The following PWWP2A variants were observed in gnomAD, a reference collection of about 807,000 sequenced individuals.
PWWP2A encodes PWWP domain-containing protein 2A.
PWWP2A carries 18 observed loss-of-function variants against 48.5 expected under a neutral mutation model. That is an observed-to-expected ratio of 0.37 (90% CI 0.26 to 0.55). PWWP2A has a LOEUF of 0.55. Ranked by LOEUF, PWWP2A falls within the 20% of genes least tolerant of loss-of-function variation. The pLI is 0.81. For missense variants in PWWP2A, 867 were observed against 976.4 expected (o/e 0.89, Z 1.49); for synonymous variants, 396 against 387.7 (o/e 1.02, Z -0.25).
intron 2 of PWWP2A, among the ~76,000 whole-genome samples, chr5:160,081,492 G>A (rs1475807260): frequency 1.3e-5 from 2 of 151,986 alleles, no homozygotes; most frequent in African/African-American, 2.4e-5. Context: ...CACCTACCTC[G>A]GCCTCCCAAA....
intron 1 of PWWP2A, among the ~76,000 whole-genome samples, chr5:160,109,750 C>A (rs1327159745): frequency 4.9e-5 from 2 of 40,882 alleles, no homozygotes; most frequent in East Asian, 7.5e-4. Context: ...CAAGAGGATG[C>A]AACTGGGAAA....
At chr5:160,055,138 G>T in the PWWP2A span, among the ~76,000 whole-genome samples, 2 of 152,200 alleles carry the variant, frequency 1.3e-5, no homozygotes, top group Admixed American at 6.5e-5. Flanking sequence ...TTTGATTCCA[G>T]ATAGAAAAGA....
intron 1 of PWWP2A, among the ~76,000 whole-genome samples, chr5:160,097,714 G>C (rs1329814546): frequency 1.4e-5 from 2 of 146,600 alleles, no homozygotes; most frequent in African/African-American, 2.5e-5. Context: ...TTTGGGGGGG[G>C]GGGCGGTTGT....
downstream of PWWP2A, chr5:160,091,114 A>G: frequency 1.0e-6 from 1 of 983,760 alleles, no homozygotes; most frequent in Non-Finnish European, 1.2e-6. Flanking sequence ...GGGATATCAA[A>G]TCTAAAAGCA....
chr5:160,045,496 A>T, the PWWP2A span, among the ~76,000 whole-genome samples: 192 of 107,440 alleles, frequency 1.8e-3, 2 homozygotes, highest in African/African-American at 2.3e-3. Flanking sequence ...ACACACACAC[A>T]CACACACACA....
chr5:160,080,735 T>C (rs1228028101), exon 3 of PWWP2A: 6 of 1,570,888 alleles, frequency 3.8e-6, no homozygotes, highest in Admixed American at 3.7e-5. Context: ...GCAGGACTCG[T>C]CACTGTCTGA....
At position 160,091,387 on chromosome 5, in the gene PWWP2A, T is replaced by TC. The variant is rs1755049858; in HGVS notation, c.*994_*995insG. 1.0e-6 allele frequency: 1 copy of TC among 979,330 alleles called. No homozygotes were observed. Among genetic ancestry groups the TC allele is most frequent in the South Asian group, 4.7e-5 (1 of 21,184 alleles). 60.7% of individuals were successfully genotyped at this position (979,330 alleles called of 1,614,324 possible). ...ACAGCTTTTTTTTGGTTTTTTTTTT[T>TC]TTTTTTACATTTCAGAGCATTACAC... On this transcript the variant is annotated 3_prime_UTR_variant, in exon 2 of 2. Coordinates refer to ENST00000307063, the MANE Select transcript of PWWP2A (RefSeq NM_001130864.2).
the PWWP2A span, among the ~76,000 whole-genome samples, chr5:160,054,557 T>TA: frequency 1.3e-5 from 2 of 151,390 alleles, no homozygotes; most frequent in East Asian, 3.9e-4. Context: ...TTTGCAGTGT[T>TA]ACGATGGTAC....
downstream of PWWP2A, chr5:160,089,952 A>C: frequency 1.0e-6 from 1 of 985,028 alleles, no homozygotes; most frequent in Non-Finnish European, 1.2e-6. Context: ...CCATTGGAAT[A>C]AAAGTTTTTA....
At chr5:160,054,075 TTTTGTTTGTTTG>T in the PWWP2A span, among the ~76,000 whole-genome samples, 4 of 151,912 alleles carry the variant, frequency 2.6e-5, no homozygotes, top group African/African-American at 7.3e-5. Flanking sequence ...GGTTGGTTGT[TTTTGTTTGTTTG>T]TTTGTTTGTT....
At chr5:160,095,595 C>T (rs73311156) in intron 1 of PWWP2A, among the ~76,000 whole-genome samples, 1,946 of 151,784 alleles carry the variant, frequency 0.013, 48 homozygotes, top group African/African-American at 0.045. Flanking sequence ...TAGTCAGTCA[C>T]GTGGAACCTT....
rs1200931007 is a variant in PWWP2A at position 160,119,283 on chromosome 5, C to A, written c.106G>T (p.Gly36Cys). The change falls in exon 1 of 2, where the codon GGC (glycine) becomes TGC (cysteine). Residue 36 changes from glycine to cysteine, a missense_variant. By Grantham distance (159) the Gly-to-Cys change is radical (BLOSUM62 -3). This residue lies in a region of PWWP2A where 385 missense variants were observed against 396.9 expected (regional missense o/e 0.97). Transcript: ENST00000307063. ...EMEPIPGSEAGTDPLPVTATE... is the reference protein window; with the variant it reads ...EMEPIPGSEACTDPLPVTATE... ...GCCGTGACCGGGAGGGGGTCAGTGC[C>A]GGCCTCACTGCCGGGGATGGGCTCC... 7.2e-7 allele frequency: 1 copy of A among 1,385,338 alleles called. No homozygotes were observed. Among genetic ancestry groups the A allele is most frequent in the Admixed American group, 3.8e-5 (1 of 26,666 alleles). 85.8% of individuals were successfully genotyped at this position (1,385,338 alleles called of 1,614,324 possible).
downstream of PWWP2A, among the ~76,000 whole-genome samples, chr5:160,056,950 C>G (rs568380745): frequency 1.3e-5 from 2 of 152,240 alleles, no homozygotes; most frequent in South Asian, 4.1e-4. Flanking sequence ...GCTGCTGAAG[C>G]CATACATGTA....
intron 2 of PWWP2A, among the ~76,000 whole-genome samples, chr5:160,069,773 G>T (rs1280416681): frequency 6.6e-6 from 1 of 152,162 alleles, no homozygotes; most frequent in Non-Finnish European, 1.5e-5. Context: ...AGCCTGTCTT[G>T]CACGGCCATG....
intron 1 of PWWP2A, among the ~76,000 whole-genome samples, chr5:160,101,016 A>G (rs182659846): frequency 1.3e-5 from 2 of 152,346 alleles, no homozygotes; most frequent in East Asian, 3.9e-4. Flanking sequence ...ATATAGATAT[A>G]CAAATATATT....
At chr5:160,054,744 A>C in the PWWP2A span, among the ~76,000 whole-genome samples, 10 of 152,210 alleles carry the variant, frequency 6.6e-5, no homozygotes, top group African/African-American at 2.4e-4. Context: ...GAGGAACATA[A>C]AGATTTGAAG....
the PWWP2A span, among the ~76,000 whole-genome samples, chr5:160,052,395 G>T: frequency 8.6e-6 from 1 of 115,898 alleles, no homozygotes; most frequent in South Asian, 2.3e-4. Flanking sequence ...AGCTACATGG[G>T]AGGATCACTT....
In PWWP2A at chr5:160,093,138, G is replaced by A. The variant is rs1291191749; in HGVS notation, c.1512C>T (p.Pro504=). The A allele has an allele frequency of 1.2e-6, 2 of 1,613,886 alleles. No individual in the cohort carries two copies. The change falls in exon 2 of 2, where the codon CCC becomes CCT. Residue 504 remains proline, a synonymous_variant. Coordinates refer to ENST00000307063, the MANE Select transcript of PWWP2A (RefSeq NM_001130864.2). The surrounding 1 kb of genome is among the most constrained non-coding windows in gnomAD (Gnocchi z 5.8). ...LEKMRSGKMA[P]KPQSRCTSTR... is the part of the protein sequence containing the mutation. ...TAGAGGTGCAGCGAGACTGGGGCTT[G>A]GGTGCCATCTTGCCACTCCGCATTT...
At chr5:160,086,897 T>C (rs1754686888), downstream of PWWP2A, among the ~76,000 whole-genome samples, 2 of 152,258 alleles carry the variant, frequency 1.3e-5, no homozygotes, top group Non-Finnish European at 2.9e-5. Context: ...ATAATATGTA[T>C]ACCATTTTTT....
Sources: allele counts gnomAD v4.1 joint callset (sites outside exome capture counted in the v4.1 genomes callset), GRCh38; gene constraint gnomAD v4.1.1; regional missense constraint gnomAD v4.1.1; non-coding constraint Gnocchi (gnomAD v3.1); transcripts MANE v1.5; gene names NCBI Gene and HGNC (gene_info 2026-07-23, HGNC 2026-07-21).